The following PRR35 variants were observed in gnomAD, a reference collection of about 807,000 sequenced individuals.
PRR35 encodes the protein proline rich 35, also known as proline-rich protein 35.
In PRR35, 14 loss-of-function variants were observed where a neutral mutation model predicts 18.6. The observed-to-expected ratio is 0.75, with a 90% CI of 0.50 to 1.18. The LOEUF (loss-of-function observed/expected upper bound fraction) is 1.18, where lower values mean the gene tolerates loss of function less well. Ranked by LOEUF, PRR35 falls within the 50% of genes most tolerant of loss-of-function variation. The probability of loss-of-function intolerance (pLI) is 0.00; values close to 1 mark genes in which losing one functional copy is unlikely to be tolerated. For synonymous variants in PRR35, 425 were observed against 378.2 expected (o/e 1.12, Z -1.43); for missense variants, 832 against 792.2 (o/e 1.05, Z -0.60).
At chr16:561,419 G>A (rs1392623166) in intron 1 of PRR35, among the ~76,000 whole-genome samples, 8 of 152,098 alleles carry the variant, frequency 5.3e-5, no homozygotes, top group Admixed American at 3.3e-4. Flanking sequence ...TCGCCGGAGC[G>A]CCCACACCCA....
In PRR35 at chr16:560,460, C is replaced by T; in HGVS notation, c.-241C>T. 1 of 982,624 alleles carries T rather than the reference C, an allele frequency of 1.0e-6. No homozygotes were observed. The highest frequency in any genetic ancestry group is 1.2e-6 in the Non-Finnish European group (1 of 828,890). The allele number at this position is 982,624 out of a possible 1,614,324, so 60.9% of individuals were successfully genotyped here. On this transcript the variant is annotated 5_prime_UTR_variant, in exon 1 of 3. Transcript: ENST00000409413. ...CGGCGGAGGCTGCGGGAGTCGCTGCCGCTCGAGGGACCGCGGACCCGGGAG... is the reference window on the plus strand; with the variant it reads ...CGGCGGAGGCTGCGGGAGTCGCTGCTGCTCGAGGGACCGCGGACCCGGGAG...
At position 565,026 on chromosome 16, in the gene PRR35, G is replaced by T; in HGVS notation, c.1435G>T (p.Ala479Ser). Residue 479 changes from alanine (A) to serine (S), a missense_variant, in exon 3 of 3, where the codon GCT becomes TCT. Around this residue, in one of 3 missense-constraint regions of PRR35, gnomAD observed 768 missense variants for 704.1 expected, o/e 1.09. Transcript: ENST00000409413. ...ACGTGCGCCCGCCAAGGGGCCCCAG[G>T]CTCTTGGAGAGGCGTGGGGGCGGCC... The part of the protein sequence containing the change: ...VKRAPAKGPQ[A>S]LGEAWGRPEL... The T allele has an allele frequency of 6.2e-7, 1 of 1,603,434 alleles. No individual in the cohort carries two copies. The highest frequency in any genetic ancestry group is 1.1e-5 in the South Asian group (1 of 89,826).
chr16:561,639 G>T, intron 1 of PRR35: 1 of 761,890 alleles, frequency 1.3e-6, no homozygotes, highest in Non-Finnish European at 1.6e-6. Flanking sequence ...TGCCCTGCAG[G>T]GCCCCAAGCC....
Position 564,156 on chromosome 16 carries a change from G to C in PRR35, c.862G>C (p.Val288Leu). Reference sequence around the variant, plus strand: ...CAAAGCTGCCCTTGCCAAGGCCCCTGTCTCCCCCAGGAGCCCCTCTGGGAC... The same window carrying C: ...CAAAGCTGCCCTTGCCAAGGCCCCTCTCTCCCCCAGGAGCCCCTCTGGGAC... ...AGKAALAKAP[V>L]SPRSPSGTPA... The change falls in exon 2 of 3, where the codon GTC (valine) becomes CTC (leucine). Residue 288 changes from valine to leucine, a missense_variant. Around this residue, in one of 3 missense-constraint regions of PRR35, gnomAD observed 768 missense variants for 704.1 expected, o/e 1.09. Coordinates refer to ENST00000409413, the MANE Select transcript of PRR35 (RefSeq NM_145270.3). 1 of 1,568,238 alleles carries C rather than the reference G, an allele frequency of 6.4e-7. No individual in the cohort carries two copies. The highest frequency in any genetic ancestry group is 8.6e-7 in the Non-Finnish European group (1 of 1,164,348).
Position 565,237 on chromosome 16 carries a change from T to G in PRR35, c.1646T>G (p.Val549Gly), listed in dbSNP as rs1409788845. Reference sequence around the variant, plus strand: ...CCTGGCAGTGGCTGGGGCACCTGTGTTGCGACGAGGAGTTCCCAGACCCCT... The same window carrying G: ...CCTGGCAGTGGCTGGGGCACCTGTGGTGCGACGAGGAGTTCCCAGACCCCT... ...VIPGSGWGTC[V>G]ATRSSQTPEA... Residue 549 changes from valine (V) to glycine (G), a missense_variant, in exon 3 of 3, where the codon GTT becomes GGT. Val to Gly is a moderately radical substitution (Grantham distance 109). Around this residue, in one of 3 missense-constraint regions of PRR35, gnomAD observed 768 missense variants for 704.1 expected, o/e 1.09. Transcript: ENST00000409413. 1.2e-6 allele frequency: 2 copies of G among 1,604,506 alleles called. No homozygotes were observed. Among genetic ancestry groups the G allele is most frequent in the Non-Finnish European group, 1.7e-6 (2 of 1,176,204 alleles).
Position 560,626 on chromosome 16 carries a change from C to T in PRR35, c.-75C>T, listed in dbSNP as rs1350821039. 4.9e-5 allele frequency: 48 copies of T among 983,080 alleles called. No homozygotes were observed. The highest frequency in any genetic ancestry group is 4.2e-4 in the South Asian group (9 of 21,376). The allele number at this position is 983,080 out of a possible 1,614,324, so 60.9% of individuals were successfully genotyped here. A position where few individuals can be genotyped will look rare whatever the true frequency, so the allele number is the denominator to read the frequency against. ...GAAGTTTGCGCCCTACACGCGGCCT[C>T]GCAGACTTGGCGGCTCCGCTCCCGG... On this transcript the variant is annotated 5_prime_UTR_variant, in exon 1 of 3. Transcript: ENST00000409413.
chr16:562,534 TGCACAC>T (rs1437415960), intron 1 of PRR35, among the ~76,000 whole-genome samples: 3 of 121,894 alleles, frequency 2.5e-5, no homozygotes, highest in Non-Finnish European at 4.8e-5. Context: ...CACACACGTG[TGCACAC>T]ACACGCACAT....
upstream of PRR35, among the ~76,000 whole-genome samples, chr16:560,145 C>G (rs2035408979): frequency 6.6e-6 from 1 of 151,494 alleles, no homozygotes; most frequent in Admixed American, 6.6e-5. Flanking sequence ...CACACCTGCG[C>G]CGCAGTCCGC....
At position 564,276 on chromosome 16, in the gene PRR35, C is replaced by A; in HGVS notation, c.982C>A (p.Arg328=). 6.3e-7 allele frequency: 1 copy of A among 1,576,840 alleles called. No individual in the cohort carries two copies. Among genetic ancestry groups the A allele is most frequent in the South Asian group, 1.1e-5 (1 of 87,108 alleles). The stretch of plus-strand genomic sequence containing the variant: ...CCCAGGGCAGGAGGGGGAGCTGGAG[C>A]GGGCAGCCCAGAGTGACCCCAGGAG... ...RDPGQEGELE[R]AAQSDPRRRL... The change falls in exon 2 of 3, where the codon CGG becomes AGG. Residue 328 remains arginine, a synonymous_variant. Coordinates refer to ENST00000409413, the MANE Select transcript of PRR35 (RefSeq NM_145270.3).
In PRR35 at chr16:564,326, G is replaced by A. The variant is rs1341309862; in HGVS notation, c.1032G>A (p.Leu344=). The A allele has an allele frequency of 6.3e-6, 10 of 1,581,136 alleles. No individual in the cohort carries two copies. Among genetic ancestry groups the A allele is most frequent in the Non-Finnish European group, 8.6e-6 (10 of 1,169,320 alleles). The change falls in exon 2 of 3, where the codon CTG becomes CTA. Residue 344 remains leucine, a synonymous_variant. Transcript: ENST00000409413. ...GGAGGCTGTCCCTGGGAAGCAGGCT[G>A]GAGCTTCCGAAGGCATCCCCCAGCC... ...PRRRLSLGSR[L]ELPKASPSLT...
In PRR35 at chr16:565,503, T is replaced by A; in HGVS notation, c.*196T>A. ...CACAGTTATTTATTGATCACAATTG[T>A]GGACATTAAAACAGAAACTGTTCAC... On this transcript the variant is annotated 3_prime_UTR_variant, in exon 3 of 3. Transcript: ENST00000409413. 1.9e-6 allele frequency: 1 copy of A among 536,512 alleles called. No individual in the cohort carries two copies. Among genetic ancestry groups the A allele is most frequent in the Non-Finnish European group, 3.0e-6 (1 of 332,966 alleles). 33.2% of individuals were successfully genotyped at this position (536,512 alleles called of 1,614,324 possible). A position where few individuals can be genotyped will look rare whatever the true frequency, so the allele number is the denominator to read the frequency against.
Position 560,578 on chromosome 16 carries a change from C to A in PRR35, c.-123C>A. 2 of 983,018 alleles carry A rather than the reference C, an allele frequency of 2.0e-6. No individual in the cohort carries two copies. Among genetic ancestry groups the A allele is most frequent in the Non-Finnish European group, 2.4e-6 (2 of 828,986 alleles). 60.9% of individuals were successfully genotyped at this position (983,018 alleles called of 1,614,324 possible). A position where few individuals can be genotyped will look rare whatever the true frequency, so the allele number is the denominator to read the frequency against. Reference sequence around the variant, plus strand: ...GCGTCCGCGGGGTCCGAGTCGCGGCCGGCGCGGGGCGGGGAGGGGCGGGAA... The same window carrying A: ...GCGTCCGCGGGGTCCGAGTCGCGGCAGGCGCGGGGCGGGGAGGGGCGGGAA... On this transcript the variant is annotated 5_prime_UTR_variant, in exon 1 of 3. Transcript: ENST00000409413.
rs780713761 is a variant in PRR35 at position 564,804 on chromosome 16, G to T, written c.1213G>T (p.Gly405Cys). 6.4e-7 allele frequency: 1 copy of T among 1,557,166 alleles called. No homozygotes were observed. Among genetic ancestry groups the T allele is most frequent in the East Asian group, 2.4e-5 (1 of 42,460 alleles). The change falls in exon 3 of 3, where the codon GGC becomes TGC. Residue 405 changes from glycine (G) to cysteine (C), a missense_variant. Physicochemically the swap from Gly to Cys is radical, Grantham distance 159. This residue lies in a region of PRR35 where 768 missense variants were observed against 704.1 expected (regional missense o/e 1.09). Coordinates refer to ENST00000409413, the MANE Select transcript of PRR35 (RefSeq NM_145270.3). The stretch of plus-strand genomic sequence containing the variant: ...AGTGCCAGGAAGCCCGGAGCATGTG[G>T]GCGAGGACCTGACCCGAGCCCTCGG... Reference protein sequence around the residue: ...GPVPGSPEHVGEDLTRALGDY... With the variant: ...GPVPGSPEHVCEDLTRALGDY...
chr16:562,674 T>C (rs1219452329), intron 1 of PRR35, among the ~76,000 whole-genome samples: 2 of 152,254 alleles, frequency 1.3e-5, no homozygotes, highest in Non-Finnish European at 2.9e-5. Flanking sequence ...TCAGTGCCTT[T>C]TCCTAGGCTT....
At position 563,510 on chromosome 16, in the gene PRR35, A is replaced by C. The variant is rs1453146131; in HGVS notation, c.216A>C (p.Pro72=). The C allele has an allele frequency of 6.2e-7, 1 of 1,612,026 alleles. No individual in the cohort carries two copies. The highest frequency in any genetic ancestry group is 2.2e-5 in the East Asian group (1 of 44,868). The change falls in exon 2 of 3, where the codon CCA becomes CCC. Residue 72 remains proline, a synonymous_variant. Coordinates refer to ENST00000409413, the MANE Select transcript of PRR35 (RefSeq NM_145270.3). The stretch of plus-strand genomic sequence containing the variant: ...CCCTGTCCCTGCTGCTAGACTCCCC[A>C]GACTGGGCGTGCCGCCGTGGCTCCA... ...KDSLSLLLDS[P]DWACRRGSTT...
intron 2 of PRR35, 99 bp downstream of exon 2, chr16:564,475 G>C (rs1263884517): frequency 6.1e-6 from 9 of 1,478,850 alleles, no homozygotes; most frequent in Non-Finnish European, 8.1e-6. Context: ...GGTCCGTCCT[G>C]AGCTCAGTCG....
chr16:562,607 GCACA>G (rs10582000), intron 1 of PRR35, among the ~76,000 whole-genome samples: 10 of 150,678 alleles, frequency 6.6e-5, no homozygotes, highest in African/African-American at 9.8e-5. Flanking sequence ...ACACACACAG[GCACA>G]CACACACACA....
In PRR35 at chr16:563,614, C is replaced by A; in HGVS notation, c.320C>A (p.Pro107His). 1 of 1,588,570 alleles carries A rather than the reference C, an allele frequency of 6.3e-7. No individual in the cohort carries two copies. Among genetic ancestry groups the A allele is most frequent in the Non-Finnish European group, 8.5e-7 (1 of 1,172,492 alleles). ...GGCAGGCAACCCCAGGGAGCACGGCCCACAGGTGCTGCCCCCGCGCCTGAC... is the reference window on the plus strand; with the variant it reads ...GGCAGGCAACCCCAGGGAGCACGGCACACAGGTGCTGCCCCCGCGCCTGAC... ...DPGRQPQGAR[P>H]TGAAPAPDLV... Residue 107 changes from proline to histidine, a missense_variant, in exon 2 of 3, where the codon CCC becomes CAC. By Grantham distance (77) the Pro-to-His change is moderately conservative. Transcript: ENST00000409413.
rs1347374047 is a variant in PRR35, at chr16:563,407, A to G, written c.113A>G (p.Lys38Arg). 1.9e-6 allele frequency: 3 copies of G among 1,612,362 alleles called. No homozygotes were observed. Among genetic ancestry groups the G allele is most frequent in the Non-Finnish European group, 2.5e-6 (3 of 1,179,656 alleles). ...CCCTGGGGCAAACCCTACAACTACA[A>G]ATGCTTCCAGTGCCCCTTCACCTGC... ...PRPWGKPYNY[K>R]CFQCPFTCLE... is the part of the protein sequence containing the mutation. The change falls in exon 2 of 3, where the codon AAA becomes AGA. Residue 38 changes from lysine (K) to arginine (R), a missense_variant. By Grantham distance (26) the Lys-to-Arg change is conservative (BLOSUM62 2). This residue lies in a region of PRR35 where 56 missense variants were observed against 64.8 expected (regional missense o/e 0.86). Coordinates refer to ENST00000409413, the MANE Select transcript of PRR35 (RefSeq NM_145270.3).
Sources: allele counts gnomAD v4.1 joint callset (sites outside exome capture counted in the v4.1 genomes callset), GRCh38; gene constraint gnomAD v4.1.1; regional missense constraint gnomAD v4.1.1; transcripts MANE v1.5; gene names NCBI Gene and HGNC (gene_info 2026-07-23, HGNC 2026-07-21).